Variants in PRKCE observed in about 807,000 individuals in gnomAD.
PRKCE encodes the protein protein kinase C epsilon, also known as protein kinase C epsilon type.
A neutral mutation model predicts 85.4 loss-of-function variants in PRKCE; 16 were observed. The ratio of observed to expected loss-of-function variants is 0.19; its 90% CI spans 0.13 to 0.28. PRKCE has a LOEUF of 0.28. PRKCE is among the 10% of genes least tolerant of loss of function. The pLI is 1.00. For missense variants in PRKCE, 573 were observed against 975.2 expected, an observed-to-expected ratio of 0.59 and a Z score of 5.49; for synonymous variants, 388 against 371.5, an observed-to-expected ratio of 1.04 and a Z score of -0.51.
intron 6 of PRKCE, among the ~76,000 whole-genome samples, chr2:45,996,027 A>AT (rs576313378): frequency 5.0e-4 from 76 of 152,076 alleles, no homozygotes; most frequent in African/African-American, 1.8e-3. Flanking sequence ...TTAGTTCTTG[A>AT]TTTTTTTCAC....
chr2:45,858,097 A>G (rs982463609), intron 2 of PRKCE, among the ~76,000 whole-genome samples: 9 of 152,180 alleles, frequency 5.9e-5, no homozygotes, highest in African/African-American at 1.9e-4. Flanking sequence ...CACCAGGGTC[A>G]TTGGCAGAGT....
intron 1 of PRKCE, among the ~76,000 whole-genome samples, chr2:45,690,452 G>A (rs1572953695): frequency 6.6e-6 from 1 of 152,350 alleles, no homozygotes; most frequent in East Asian, 1.9e-4. Context: ...GGCGAAGGAA[G>A]CACATTTATT....
chr2:46,163,112 G>A (rs1677940112), intron 14 of PRKCE, among the ~76,000 whole-genome samples: 1 of 152,244 alleles, frequency 6.6e-6, no homozygotes, highest in South Asian at 2.1e-4. Flanking sequence ...GGGGATGTGG[G>A]TGCCTGCCTA....
intron 1 of PRKCE, among the ~76,000 whole-genome samples, chr2:45,788,009 A>C (rs1686745393): frequency 1.3e-5 from 2 of 152,158 alleles, no homozygotes; most frequent in South Asian, 4.1e-4. Flanking sequence ...TGTGCCTAGA[A>C]ACCCTGAAGG....
chr2:46,159,849 G>A lies in PRKCE; in HGVS notation c.2067+97G>A, dbSNP rs932501987. The A allele has an allele frequency of 1.2e-5, 18 of 1,465,154 alleles. No homozygotes were observed. Among genetic ancestry groups the A allele is most frequent in the Admixed American group, 2.1e-5 (1 of 46,810 alleles). The allele number at this position is 1,465,154 out of a possible 1,614,324, so 90.8% of individuals were successfully genotyped here. ...CCAGGAAGAGTTGGTCAGGGGATGC[G>A]TATTACAGTAAAAATGACAAAGACC... On this transcript the variant is annotated intron_variant, in intron 14 of 14. Transcript: ENST00000306156. This position sits in a 1 kb window ranked among gnomAD's most constrained non-coding sequence, Gnocchi z 4.1.
At chr2:45,971,257 G>A (rs915575838) in intron 2 of PRKCE, among the ~76,000 whole-genome samples, 3 of 152,064 alleles carry the variant, frequency 2.0e-5, no homozygotes, top group African/African-American at 7.2e-5. Context: ...CATATAAGTG[G>A]TATCATGTAG....
intron 2 of PRKCE, among the ~76,000 whole-genome samples, chr2:45,862,235 C>T (rs549543527): frequency 6.3e-4 from 94 of 149,180 alleles, no homozygotes; most frequent in Admixed American, 1.9e-3. Flanking sequence ...CACAGTATTT[C>T]AAATCTGTTA....
chr2:46,058,259 C>T (rs1439997568), intron 10 of PRKCE, among the ~76,000 whole-genome samples: 1 of 152,160 alleles, frequency 6.6e-6, no homozygotes, highest in Non-Finnish European at 1.5e-5. Context: ...ACACAAACAT[C>T]CAGGGCTTGG....
chr2:46,102,896 G>T (rs1671371792), intron 11 of PRKCE, among the ~76,000 whole-genome samples: 1 of 152,078 alleles, frequency 6.6e-6, no homozygotes, highest in South Asian at 2.1e-4. Flanking sequence ...TGTTTGCCAG[G>T]TTTCTCCACT....
At chr2:46,002,473 G>A (rs1216468159) in intron 7 of PRKCE, among the ~76,000 whole-genome samples, 1 of 152,118 alleles carries the variant, frequency 6.6e-6, no homozygotes, top group African/African-American at 2.4e-5. Context: ...ACATTTCCTG[G>A]TCATCTTGTC....
chr2:45,976,132 C>T (rs1702436278), intron 2 of PRKCE, among the ~76,000 whole-genome samples: 1 of 152,200 alleles, frequency 6.6e-6, no homozygotes, highest in South Asian at 2.1e-4. Context: ...TTGAAACCAG[C>T]TGTAGCCTGT....
intron 5 of PRKCE, among the ~76,000 whole-genome samples, chr2:45,982,823 C>A (rs940864358): frequency 5.9e-5 from 9 of 152,216 alleles, no homozygotes; most frequent in African/African-American, 2.2e-4. Flanking sequence ...CTTTCCACCC[C>A]CACACTGGAT....
intron 1 of PRKCE, among the ~76,000 whole-genome samples, chr2:45,670,802 G>A (rs1253993031): frequency 1.3e-5 from 2 of 152,206 alleles, no homozygotes; most frequent in Non-Finnish European, 2.9e-5. Context: ...GGATGGATCG[G>A]ATAGACTGGT....
At chr2:45,669,464 C>T (rs538719860) in intron 1 of PRKCE, among the ~76,000 whole-genome samples, 17 of 152,330 alleles carry the variant, frequency 1.1e-4, no homozygotes, top group Non-Finnish European at 1.8e-4. Flanking sequence ...TCTCTTACCG[C>T]GCAGCGTGGC....
intron 2 of PRKCE, among the ~76,000 whole-genome samples, chr2:45,923,357 G>A (rs535715945): frequency 6.6e-6 from 1 of 152,342 alleles, no homozygotes; most frequent in Non-Finnish European, 1.5e-5. Context: ...GCGTTTGTGT[G>A]CCCAGAGCAG....
intron 2 of PRKCE, among the ~76,000 whole-genome samples, chr2:45,857,912 T>C (rs111389007): frequency 0.027 from 4,038 of 152,334 alleles, 65 homozygotes; most frequent in Middle Eastern, 0.082. Flanking sequence ...CCGTTGTAAA[T>C]GGTGCCAGGT....
intron 2 of PRKCE, among the ~76,000 whole-genome samples, chr2:45,972,692 T>C (rs1661378167): frequency 1.3e-5 from 2 of 152,232 alleles, no homozygotes; most frequent in African/African-American, 4.8e-5. Flanking sequence ...ATGTACAGTT[T>C]TCCCAACATC....
At chr2:45,909,313 G>A (rs899814486) in intron 2 of PRKCE, among the ~76,000 whole-genome samples, 9 of 152,164 alleles carry the variant, frequency 5.9e-5, no homozygotes, top group Non-Finnish European at 1.2e-4. Context: ...CAAGTATTAC[G>A]AGGTGGTAGG....
chr2:46,005,168 G>A (rs933651608), intron 8 of PRKCE, among the ~76,000 whole-genome samples: 1 of 152,210 alleles, frequency 6.6e-6, no homozygotes. Flanking sequence ...GAAAAGAAGT[G>A]GGAAGGAGGC....
Sources: allele counts gnomAD v4.1 joint callset (sites outside exome capture counted in the v4.1 genomes callset), GRCh38; gene constraint gnomAD v4.1.1; non-coding constraint Gnocchi (gnomAD v3.1); transcripts MANE v1.5; gene names NCBI Gene and HGNC (gene_info 2026-07-23, HGNC 2026-07-21).